Variants in DIAPH2 observed in about 807,000 individuals in gnomAD.
DIAPH2 encodes the protein diaphanous related formin 2, also known as protein diaphanous homolog 2.
DIAPH2 carries 35 observed loss-of-function variants against 92.7 expected under a neutral mutation model. The observed-to-expected ratio is 0.38, with a 90% CI of 0.29 to 0.50. The LOEUF is 0.50. Ranked by LOEUF, DIAPH2 falls within the 20% of genes least tolerant of loss-of-function variation. The pLI is 0.94. For missense variants in DIAPH2, 701 were observed against 819.5 expected, an observed-to-expected ratio of 0.86 and a Z score of 1.77; for synonymous variants, 301 against 280.4, an observed-to-expected ratio of 1.07 and a Z score of -0.73.
chrX:97,300,604 T>A (rs1216209945), intron 23 of DIAPH2, among the ~76,000 whole-genome samples: 11 of 70,483 alleles, frequency 1.6e-4, no homozygotes, highest in African/African-American at 4.8e-4. Context: ...GTAATTTTTT[T>A]AAAAAGCTTA....
intron 19 of DIAPH2, among the ~76,000 whole-genome samples, chrX:97,088,760 C>A (rs1008869706): frequency 8.9e-6 from 1 of 112,084 alleles, no homozygotes; most frequent in African/African-American, 3.2e-5. Context: ...CATAAAAATT[C>A]CATACAATAT....
At chrX:97,495,907 A>G (rs1199889282) in intron 26 of DIAPH2, among the ~76,000 whole-genome samples, 2 of 111,468 alleles carry the variant, frequency 1.8e-5, no homozygotes, top group African/African-American at 3.3e-5. Context: ...ATGTTAGCAC[A>G]TCATTACCTG....
At chrX:97,283,163 C>T (rs2068512464) in intron 23 of DIAPH2, among the ~76,000 whole-genome samples, 1 of 111,838 alleles carries the variant, frequency 8.9e-6, no homozygotes, top group Non-Finnish European at 1.9e-5. Flanking sequence ...GAGTATCATT[C>T]TATCATCTAT....
At chrX:97,300,617 TAAA>T (rs11325055) in intron 23 of DIAPH2, among the ~76,000 whole-genome samples, 36 of 88,513 alleles carry the variant, frequency 4.1e-4, no homozygotes, top group African/African-American at 1.3e-3. Flanking sequence ...AAAGCTTATT[TAAA>T]AAAAAAAAAA....
At chrX:96,949,195 C>T (rs1162718464) in intron 15 of DIAPH2, among the ~76,000 whole-genome samples, 156 bp downstream of exon 15, 1 of 110,667 alleles carries the variant, frequency 9.0e-6, no homozygotes, top group African/African-American at 3.3e-5. Context: ...TATTCCAGGG[C>T]AATAAATCAT....
At chrX:97,158,238 T>C (rs1002872861) in intron 22 of DIAPH2, among the ~76,000 whole-genome samples, 3 of 112,393 alleles carry the variant, frequency 2.7e-5, no homozygotes, top group Non-Finnish European at 5.6e-5. Context: ...TTGTTTAAAT[T>C]ATATGCAAAT....
At chrX:97,028,372 T>C (rs2066349387) in intron 17 of DIAPH2, among the ~76,000 whole-genome samples, 1 of 111,271 alleles carries the variant, frequency 9.0e-6, no homozygotes, top group Admixed American at 9.6e-5. Context: ...CATCTTTATG[T>C]TTGATAAGAC....
intron 4 of DIAPH2, among the ~76,000 whole-genome samples, chrX:96,819,524 G>A (rs2064763725): frequency 9.0e-6 from 1 of 111,689 alleles, no homozygotes; most frequent in African/African-American, 3.3e-5. Flanking sequence ...GTCCATTTTT[G>A]CAGGGCATTT....
intron 12 of DIAPH2, 136 bp downstream of exon 12, chrX:96,939,518 A>ATATATATATG (rs1569431038): frequency 2.2e-5 from 1 of 45,653 alleles, no homozygotes; most frequent in Non-Finnish European, 4.9e-5. Flanking sequence ...ATATGTATGT[A>ATATATATATG]TATATATATA....
intron 26 of DIAPH2, among the ~76,000 whole-genome samples, chrX:97,571,439 ATTTGT>A (rs1407312212): frequency 1.8e-5 from 2 of 111,652 alleles, no homozygotes; most frequent in African/African-American, 6.5e-5. Flanking sequence ...TAATAAGAAA[ATTTGT>A]TTTGAGTACA....
chrX:96,825,231 C>T (rs915739170), intron 4 of DIAPH2, among the ~76,000 whole-genome samples: 1 of 109,111 alleles, frequency 9.2e-6, no homozygotes, highest in Admixed American at 9.8e-5. Flanking sequence ...GCTGTGATTA[C>T]AGGCATGAGC....
intron 25 of DIAPH2, among the ~76,000 whole-genome samples, chrX:97,421,509 A>T (rs762170403): frequency 1.8e-5 from 2 of 111,860 alleles, no homozygotes; most frequent in Non-Finnish European, 3.8e-5. Flanking sequence ...TCCACTTGTC[A>T]TCGCCTTCTT....
chrX:97,367,843 C>T (rs1393666587), intron 24 of DIAPH2, among the ~76,000 whole-genome samples: 1 of 110,685 alleles, frequency 9.0e-6, no homozygotes, highest in Non-Finnish European at 1.9e-5. Flanking sequence ...GCTGGGATTA[C>T]AGGTGCTCGC....
intron 23 of DIAPH2, among the ~76,000 whole-genome samples, chrX:97,292,560 T>C (rs2068601567): frequency 9.3e-6 from 1 of 107,904 alleles, no homozygotes; most frequent in Non-Finnish European, 1.9e-5. Flanking sequence ...TTTTTTTTTT[T>C]TTTTTGAGAC....
chrX:97,558,898 G>A (rs1028902353), intron 26 of DIAPH2, among the ~76,000 whole-genome samples: 1 of 111,354 alleles, frequency 9.0e-6, no homozygotes, highest in African/African-American at 3.3e-5. Context: ...GAATTATGAT[G>A]GTTCAACTAT....
At chrX:96,914,393 A>G (rs1218415586) in intron 7 of DIAPH2, among the ~76,000 whole-genome samples, 2 of 111,324 alleles carry the variant, frequency 1.8e-5, no homozygotes, top group African/African-American at 6.5e-5. Context: ...TCGTCAATTG[A>G]GGGAAACAAT....
chrX:96,843,195 G>T (rs186234398), intron 4 of DIAPH2, among the ~76,000 whole-genome samples: 3 of 111,075 alleles, frequency 2.7e-5, no homozygotes, highest in East Asian at 5.7e-4. Flanking sequence ...AGCACTCTCC[G>T]TGCCTTACTC....
intron 17 of DIAPH2, among the ~76,000 whole-genome samples, chrX:96,996,064 A>G (rs1336523612): frequency 8.9e-6 from 1 of 111,903 alleles, no homozygotes; most frequent in African/African-American, 3.2e-5. Context: ...CTTCACCTAG[A>G]GATAAAATAC....
intron 4 of DIAPH2, among the ~76,000 whole-genome samples, chrX:96,839,690 T>C (rs2064923265): frequency 8.9e-6 from 1 of 112,153 alleles, no homozygotes; most frequent in Admixed American, 9.5e-5. Context: ...TTCTGTCAGA[T>C]GTGAATGCTT....
Sources: allele counts gnomAD v4.1 joint callset (sites outside exome capture counted in the v4.1 genomes callset), GRCh38; gene constraint gnomAD v4.1.1; transcripts MANE v1.5; gene names NCBI Gene and HGNC (gene_info 2026-07-23, HGNC 2026-07-21).